Variants in NEGR1 observed in about 807,000 individuals in gnomAD.
The protein encoded by NEGR1 is IgLON family member 4.
In NEGR1, 10 loss-of-function variants were observed where a neutral mutation model predicts 40.9. The ratio of observed to expected loss-of-function variants is 0.24; its 90% CI spans 0.15 to 0.42. The LOEUF (loss-of-function observed/expected upper bound fraction) is 0.42, where lower values mean the gene tolerates loss of function less well. Among genes scored for constraint, NEGR1 ranks in the 10% least tolerant of loss-of-function variants. The probability of loss-of-function intolerance (pLI) is 1.00; values close to 1 mark genes in which losing one functional copy is unlikely to be tolerated. For synonymous variants in NEGR1, 185 were observed against 166.8 expected (o/e 1.11, Z -0.84); for missense variants, 352 against 438.9 (o/e 0.80, Z 1.77).
At chr1:72,064,332 G>T (rs1258067427) in intron 1 of NEGR1, among the ~76,000 whole-genome samples, 1 of 151,948 alleles carries the variant, frequency 6.6e-6, no homozygotes, top group African/African-American at 2.4e-5. Context: ...CTAAAGAAAA[G>T]AAAGCCTCTA....
chr1:71,491,755 G>A (rs1646929571), intron 6 of NEGR1, among the ~76,000 whole-genome samples: 1 of 151,976 alleles, frequency 6.6e-6, no homozygotes, highest in Non-Finnish European at 1.5e-5. Flanking sequence ...TCTTCAAAAT[G>A]GAGAAACAGG....
intron 1 of NEGR1, among the ~76,000 whole-genome samples, chr1:72,121,466 G>T (rs1347566063): frequency 4.0e-5 from 6 of 151,876 alleles, no homozygotes; most frequent in Non-Finnish European, 7.4e-5. Context: ...CTGTAACTAA[G>T]CTTTCCCTAA....
At chr1:71,579,056 T>C (rs1475121948) in intron 6 of NEGR1, among the ~76,000 whole-genome samples, 1 of 152,164 alleles carries the variant, frequency 6.6e-6, no homozygotes, top group Non-Finnish European at 1.5e-5. Context: ...GTAATCACTG[T>C]TCATTTGTCA....
intron 1 of NEGR1, among the ~76,000 whole-genome samples, chr1:72,143,663 C>A (rs914506433): frequency 2.0e-5 from 3 of 150,662 alleles, no homozygotes; most frequent in African/African-American, 7.3e-5. Context: ...TCTACTTTTT[C>A]TGATGCACTT....
intron 1 of NEGR1, among the ~76,000 whole-genome samples, chr1:71,940,964 T>C (rs1645953873): frequency 6.6e-6 from 1 of 152,220 alleles, no homozygotes; most frequent in Admixed American, 6.5e-5. Context: ...TTCAGCTGTA[T>C]GGAGAAAGAA....
intron 1 of NEGR1, among the ~76,000 whole-genome samples, chr1:72,022,967 C>T (rs944308358): frequency 2.0e-5 from 3 of 152,104 alleles, no homozygotes. Context: ...TATCACATGT[C>T]CTTCTCCATT....
intron 6 of NEGR1, among the ~76,000 whole-genome samples, chr1:71,577,452 T>G (rs576860675): frequency 3.5e-4 from 54 of 152,240 alleles, no homozygotes; most frequent in African/African-American, 1.3e-3. Flanking sequence ...CACTCTGAAG[T>G]GAGAAATATA....
intron 1 of NEGR1, chr1:72,274,476 T>C (rs2100563046): frequency 1.7e-6 from 1 of 605,104 alleles, no homozygotes; most frequent in East Asian, 2.9e-5. Flanking sequence ...CAGAAGCACA[T>C]AGCTACACTG....
chr1:72,045,497 C>T (rs76605714), intron 1 of NEGR1, among the ~76,000 whole-genome samples: 2 of 151,722 alleles, frequency 1.3e-5, no homozygotes, highest in South Asian at 4.2e-4. Flanking sequence ...TGCTGTTCTC[C>T]TGATAGTGAA....
At chr1:72,166,580 T>C (rs940140879) in intron 1 of NEGR1, among the ~76,000 whole-genome samples, 1 of 152,114 alleles carries the variant, frequency 6.6e-6, no homozygotes, top group Non-Finnish European at 1.5e-5. Context: ...ATATGCACAC[T>C]GGCATACCAT....
chr1:72,139,255 G>GAA (rs77435105), intron 1 of NEGR1, among the ~76,000 whole-genome samples: 4 of 98,986 alleles, frequency 4.0e-5, no homozygotes, highest in African/African-American at 1.4e-4. Flanking sequence ...CAGAAAAAGC[G>GAA]AAAAAAAAAA....
At chr1:71,805,766 T>A (rs1445170093) in intron 2 of NEGR1, among the ~76,000 whole-genome samples, 2 of 152,214 alleles carry the variant, frequency 1.3e-5, no homozygotes, top group African/African-American at 4.8e-5. Context: ...CATGTGCACC[T>A]GGTTTATTTG....
At chr1:71,995,203 T>C (rs1036187059) in intron 1 of NEGR1, among the ~76,000 whole-genome samples, 2 of 152,128 alleles carry the variant, frequency 1.3e-5, no homozygotes, top group Admixed American at 6.5e-5. Flanking sequence ...CATTTATCCA[T>C]TGTTGGAAAG....
intron 2 of NEGR1, among the ~76,000 whole-genome samples, chr1:71,788,746 G>A (rs1454405957): frequency 6.6e-6 from 1 of 151,870 alleles, no homozygotes; most frequent in African/African-American, 2.4e-5. Flanking sequence ...TATGGTAACA[G>A]TGGGGAAAGT....
intron 6 of NEGR1, among the ~76,000 whole-genome samples, chr1:71,501,664 T>C (rs1318129180): frequency 6.6e-6 from 1 of 152,116 alleles, no homozygotes; most frequent in South Asian, 2.1e-4. Context: ...CACTCACTGG[T>C]GACATGTCAA....
chr1:71,663,586 G>A (rs1307186520), intron 4 of NEGR1, among the ~76,000 whole-genome samples: 1 of 152,088 alleles, frequency 6.6e-6, no homozygotes, highest in Non-Finnish European at 1.5e-5. Flanking sequence ...CATTTCTTTT[G>A]CTTTTGTCAG....
intron 3 of NEGR1, among the ~76,000 whole-genome samples, chr1:71,736,442 T>A (rs936888663): frequency 3.3e-5 from 5 of 152,194 alleles, no homozygotes; most frequent in African/African-American, 1.2e-4. Context: ...AATTACCATT[T>A]AAAATGTATT....
intron 1 of NEGR1, among the ~76,000 whole-genome samples, chr1:72,263,666 A>G (rs1278399572): frequency 6.6e-6 from 1 of 151,612 alleles, no homozygotes; most frequent in Non-Finnish European, 1.5e-5. Flanking sequence ...TTTAGAATCT[A>G]AAGTTATCTA....
chr1:72,220,705 A>C (rs1041648128), intron 1 of NEGR1, among the ~76,000 whole-genome samples: 1 of 152,056 alleles, frequency 6.6e-6, no homozygotes, highest in Non-Finnish European at 1.5e-5. Flanking sequence ...TAAATAATAA[A>C]TTAAATGGGC....
Sources: gnomAD v4.1 joint callset for allele counts (sites outside exome capture counted in the v4.1 genomes callset) on GRCh38, gnomAD v4.1.1 for gene constraint, MANE v1.5 for transcripts, NCBI Gene and HGNC (gene_info 2026-07-23, HGNC 2026-07-21) for gene names.